The following EFHD1 variants were observed in gnomAD, a reference collection of about 807,000 sequenced individuals.
The protein encoded by EFHD1 is EF-hand domain family member D1.
Under a neutral mutation model 17.2 loss-of-function variants are expected in EFHD1, and 10 were observed. That is an observed-to-expected ratio of 0.58 (90% CI 0.36 to 0.99). The LOEUF is 0.99. Among genes scored for constraint, EFHD1 ranks in the 50% least tolerant of loss-of-function variants. The probability of loss-of-function intolerance (pLI) is 0.01; values close to 1 mark genes in which losing one functional copy is unlikely to be tolerated. For missense variants in EFHD1, 310 were observed against 327.5 expected, an observed-to-expected ratio of 0.95 and a Z score of 0.41; for synonymous variants, 153 against 142.0, an observed-to-expected ratio of 1.08 and a Z score of -0.55.
chr2:232,609,481 A>G (rs574522867), intron 1 of EFHD1, among the ~76,000 whole-genome samples: 1 of 152,260 alleles, frequency 6.6e-6, no homozygotes, highest in East Asian at 1.9e-4. Flanking sequence ...TTCCTTTATC[A>G]TTTTGTTGCA....
chr2:232,661,157 AC>A (rs1694860971), intron 1 of EFHD1, among the ~76,000 whole-genome samples: 1 of 61,560 alleles, frequency 1.6e-5, no homozygotes, highest in Non-Finnish European at 5.4e-5. Context: ...CAAAAAAAAA[AC>A]AAAAACAAAA....
chr2:232,617,955 A>G (rs1693958275), intron 1 of EFHD1, among the ~76,000 whole-genome samples: 1 of 151,996 alleles, frequency 6.6e-6, no homozygotes, highest in African/African-American at 2.4e-5. Flanking sequence ...TCTAAAAAAA[A>G]AAAAGAATAT....
chr2:232,676,168 A>C (rs965625389), intron 3 of EFHD1, among the ~76,000 whole-genome samples: 1 of 151,678 alleles, frequency 6.6e-6, no homozygotes, highest in Non-Finnish European at 1.5e-5. Flanking sequence ...GAGCAAGACC[A>C]TGTCTCAAAG....
intron 1 of EFHD1, among the ~76,000 whole-genome samples, chr2:232,644,942 A>AT (rs752790323): frequency 0.088 from 10,081 of 114,328 alleles, 611 homozygotes; most frequent in African/African-American, 0.14. Context: ...ATGCCTGGCA[A>AT]TTTTTTTTTT....
At chr2:232,625,508 CTT>C (rs1694090785) in intron 1 of EFHD1, among the ~76,000 whole-genome samples, 1 of 152,078 alleles carries the variant, frequency 6.6e-6, no homozygotes, top group South Asian at 2.1e-4. Context: ...CCAAAAGCCG[CTT>C]AGGATGGGAG....
chr2:232,645,301 C>T (rs11683367), intron 1 of EFHD1, among the ~76,000 whole-genome samples: 90,212 of 151,564 alleles, frequency 0.6, 27,192 homozygotes, highest in South Asian at 0.67. Flanking sequence ...GAGGATGGCC[C>T]CCTGCCTCGT....
At chr2:232,609,053 TC>T (rs1181696403) in intron 1 of EFHD1, among the ~76,000 whole-genome samples, 11 of 130,284 alleles carry the variant, frequency 8.4e-5, no homozygotes, top group Non-Finnish European at 1.4e-4. Context: ...ATGCATAAGT[TC>T]TTTTTTTTTT....
chr2:232,654,342 G>A (rs1239916425), intron 1 of EFHD1, among the ~76,000 whole-genome samples: 5 of 151,676 alleles, frequency 3.3e-5, no homozygotes, highest in Non-Finnish European at 7.4e-5. Context: ...CTGAAAGGAA[G>A]GTTTCCCAAG....
At chr2:232,640,340 A>G (rs1233306688) in intron 1 of EFHD1, among the ~76,000 whole-genome samples, 2 of 152,112 alleles carry the variant, frequency 1.3e-5, no homozygotes, top group African/African-American at 4.8e-5. Flanking sequence ...GTGGGTCTCT[A>G]AAGATGGGCG....
At chr2:232,667,226 G>A (rs376712920) in intron 2 of EFHD1, among the ~76,000 whole-genome samples, 9 of 152,142 alleles carry the variant, frequency 5.9e-5, no homozygotes, top group Non-Finnish European at 1.2e-4. Flanking sequence ...GTGCTGGGCC[G>A]CCCGCCTGCC....
At position 232,669,447 on chromosome 2, in the gene EFHD1, C is replaced by T. The variant is rs530210000; in HGVS notation, c.451-2862C>T. On this transcript the variant is annotated intron_variant, in intron 2 of 3. Transcript: ENST00000264059. ...TGTCTTACAAGGCATTTCGGGGATG[C>T]GGTGGTTGAGCCTCTCACCGGCATG... Among the ~76,000 whole-genome samples the T allele has an allele frequency of 8.5e-5, 13 of 152,186 alleles. No individual in the cohort carries two copies. The South Asian group carries it at 2.1e-3, about 24-fold the overall frequency.
At chr2:232,643,434 G>T (rs1174769172) in intron 1 of EFHD1, among the ~76,000 whole-genome samples, 1 of 152,040 alleles carries the variant, frequency 6.6e-6, no homozygotes, top group Non-Finnish European at 1.5e-5. Flanking sequence ...TTGAGACAGG[G>T]TCTTGCTCTG....
intron 1 of EFHD1, among the ~76,000 whole-genome samples, chr2:232,617,571 G>A (rs1269443206): frequency 1.4e-5 from 2 of 147,066 alleles, no homozygotes; most frequent in African/African-American, 2.5e-5. Flanking sequence ...GGAGAATGGC[G>A]TGAACCCAGG....
intron 1 of EFHD1, among the ~76,000 whole-genome samples, chr2:232,619,890 C>A (rs904113570): frequency 6.6e-6 from 1 of 151,686 alleles, no homozygotes; most frequent in Non-Finnish European, 1.5e-5. Context: ...GGCAACAGGG[C>A]GAGATCCCTG....
At chr2:232,642,140 T>C (rs1193168813) in intron 1 of EFHD1, among the ~76,000 whole-genome samples, 1 of 151,846 alleles carries the variant, frequency 6.6e-6, no homozygotes, top group Admixed American at 6.5e-5. Context: ...ATCCCAGCAC[T>C]TTGGGAGGCC....
At chr2:232,679,342 G>A (rs1695233329) in intron 3 of EFHD1, among the ~76,000 whole-genome samples, 2 of 151,882 alleles carry the variant, frequency 1.3e-5, no homozygotes, top group Admixed American at 1.3e-4. Context: ...ACTAAAATAT[G>A]TATAACCAGA....
intron 1 of EFHD1, among the ~76,000 whole-genome samples, chr2:232,607,486 C>T (rs142520714): frequency 0.013 from 1,895 of 150,732 alleles, 43 homozygotes; most frequent in Admixed American, 0.051. Context: ...CCCAGATACT[C>T]GGGAGGCTGA....
intron 3 of EFHD1, 122 bp downstream of exon 3, chr2:232,672,565 C>T: frequency 1.4e-6 from 2 of 1,392,586 alleles, no homozygotes; most frequent in Non-Finnish European, 1.9e-6. Flanking sequence ...GGAGGGTCCT[C>T]CCAGTGCTCT....
At chr2:232,654,200 C>A (rs879740327) in intron 1 of EFHD1, among the ~76,000 whole-genome samples, 9 of 145,920 alleles carry the variant, frequency 6.2e-5, no homozygotes, top group Admixed American at 2.0e-4. Flanking sequence ...GAGCGAGACT[C>A]CATCTCAAAA....
Sources: allele counts gnomAD v4.1 joint callset (sites outside exome capture counted in the v4.1 genomes callset), GRCh38; gene constraint gnomAD v4.1.1; transcripts MANE v1.5; gene names NCBI Gene and HGNC (gene_info 2026-07-23, HGNC 2026-07-21).